The following HTR7 variants were observed in gnomAD, a reference collection of about 807,000 sequenced individuals.
The protein encoded by HTR7 is 5-HT-7.
Under a neutral mutation model 34.0 loss-of-function variants are expected in HTR7, and 16 were observed. That is an observed-to-expected ratio of 0.47 (90% CI 0.32 to 0.71). HTR7 has a LOEUF of 0.71. Ranked by LOEUF, HTR7 falls within the 30% of genes least tolerant of loss-of-function variation. HTR7 has a pLI of 0.04. For synonymous variants in HTR7, 265 were observed against 260.2 expected (o/e 1.02, Z -0.18); for missense variants, 504 against 625.5 (o/e 0.81, Z 2.07).
chr10:90,760,634 A>G (rs936968308), intron 1 of HTR7, among the ~76,000 whole-genome samples: 2 of 152,120 alleles, frequency 1.3e-5, no homozygotes, highest in African/African-American at 4.8e-5. Flanking sequence ...AATCCCCGCA[A>G]TTTGGGAGGC....
chr10:90,836,142 G>A lies in HTR7; in HGVS notation c.539+20991C>T, dbSNP rs528387762. Among the ~76,000 whole-genome samples the A allele has an allele frequency of 1.8e-3, 269 of 152,254 alleles. 1 individual carries two copies. Among genetic ancestry groups the A allele is most frequent in the Middle Eastern group, 0.01 (3 of 292 alleles). On this transcript the variant is annotated intron_variant, in intron 1 of 3. Transcript: ENST00000336152. ...CTTACCTTGAGCAGCATCTGAACTC[G>A]ATTATTGGATACACTTTGGCCCCCA...
chr10:90,808,842 C>T (rs940946635), intron 1 of HTR7, among the ~76,000 whole-genome samples: 8 of 152,214 alleles, frequency 5.3e-5, no homozygotes, highest in Non-Finnish European at 7.3e-5. Context: ...ACAAACTCAA[C>T]AGTGGTACCA....
chr10:90,776,649 ATATT>A (rs1373260729), intron 1 of HTR7, among the ~76,000 whole-genome samples: 3 of 152,232 alleles, frequency 2.0e-5, no homozygotes, highest in Non-Finnish European at 4.4e-5. Context: ...TTTAAAACCA[ATATT>A]TATGTGGAAA....
At chr10:90,743,931 C>A in intron 2 of HTR7, 1 of 658,860 alleles carries the variant, frequency 1.5e-6, no homozygotes, top group African/African-American at 1.8e-5. Flanking sequence ...CTGATGAACT[C>A]CTGAGGTTCT....
chr10:90,807,757 G>A (rs982503622), intron 1 of HTR7, among the ~76,000 whole-genome samples: 2 of 152,208 alleles, frequency 1.3e-5, no homozygotes, highest in Non-Finnish European at 2.9e-5. Flanking sequence ...CCGTGACTCA[G>A]ATCGGGGGAC....
intron 1 of HTR7, among the ~76,000 whole-genome samples, chr10:90,810,960 C>T (rs371875557): frequency 1.8e-4 from 27 of 152,264 alleles, no homozygotes; most frequent in Middle Eastern, 6.8e-3. Context: ...TAGATACTTT[C>T]GACTTTAGAT....
intron 1 of HTR7, among the ~76,000 whole-genome samples, chr10:90,758,445 A>G (rs1252120835): frequency 6.6e-6 from 1 of 152,070 alleles, no homozygotes; most frequent in East Asian, 1.9e-4. Context: ...ATCAATGCAT[A>G]TGGAAAAATT....
chr10:90,789,656 G>A (rs963819276), intron 1 of HTR7, among the ~76,000 whole-genome samples: 8 of 152,100 alleles, frequency 5.3e-5, no homozygotes, highest in East Asian at 1.9e-4. Context: ...TCAGCCTTTC[G>A]TGATTGCATA....
intron 2 of HTR7, among the ~76,000 whole-genome samples, chr10:90,745,979 T>C (rs1198573933): frequency 6.6e-6 from 1 of 152,188 alleles, no homozygotes; most frequent in Non-Finnish European, 1.5e-5. Flanking sequence ...AAGGCAAATA[T>C]CTTTAGACTT....
chr10:90,752,016 A>G (rs1844746864), intron 1 of HTR7, among the ~76,000 whole-genome samples: 1 of 152,234 alleles, frequency 6.6e-6, no homozygotes, highest in Non-Finnish European at 1.5e-5. Context: ...AATCATGATT[A>G]GTCCATATTC....
chr10:90,810,716 C>A (rs990875792), intron 1 of HTR7, among the ~76,000 whole-genome samples: 3 of 152,168 alleles, frequency 2.0e-5, no homozygotes, highest in Non-Finnish European at 2.9e-5. Context: ...TTCATCCCAG[C>A]CTCTCTTCGC....
At chr10:90,853,896 C>T (rs1024520753) in intron 1 of HTR7, among the ~76,000 whole-genome samples, 2 of 152,184 alleles carry the variant, frequency 1.3e-5, no homozygotes, top group Admixed American at 1.3e-4. Flanking sequence ...TGATGAGCAT[C>T]AAAGTCATCT....
chr10:90,788,192 T>C (rs1845410138), intron 1 of HTR7, among the ~76,000 whole-genome samples: 1 of 152,078 alleles, frequency 6.6e-6, no homozygotes, highest in Admixed American at 6.6e-5. Context: ...GGTAAACATC[T>C]TCATGTAGGT....
chr10:90,824,803 G>A (rs1385846356), intron 1 of HTR7, among the ~76,000 whole-genome samples: 1 of 152,260 alleles, frequency 6.6e-6, no homozygotes, highest in African/African-American at 2.4e-5. Context: ...AAGGGGGAGG[G>A]ACTATTGGGA....
At chr10:90,813,743 T>C (rs529479337) in intron 1 of HTR7, among the ~76,000 whole-genome samples, 11 of 152,308 alleles carry the variant, frequency 7.2e-5, no homozygotes, top group African/African-American at 2.4e-4. Flanking sequence ...AGGTTCAAAA[T>C]GGCATCTCCA....
At chr10:90,820,897 A>G (rs544160671) in intron 1 of HTR7, among the ~76,000 whole-genome samples, 13 of 152,312 alleles carry the variant, frequency 8.5e-5, no homozygotes, top group African/African-American at 2.9e-4. Flanking sequence ...TAGCATATAC[A>G]TTTTTAAAAA....
At chr10:90,808,274 T>C (rs59277098) in intron 1 of HTR7, among the ~76,000 whole-genome samples, 42,218 of 150,400 alleles carry the variant, frequency 0.28, 6,454 homozygotes, top group African/African-American at 0.41. Context: ...AAGAAACCCC[T>C]AACCCTTCTC....
intron 1 of HTR7, among the ~76,000 whole-genome samples, chr10:90,817,003 C>T (rs567369466): frequency 1.3e-5 from 2 of 152,312 alleles, no homozygotes; most frequent in South Asian, 4.1e-4. Flanking sequence ...TTTTTTGGCT[C>T]TATGTCTCTT....
chr10:90,816,009 A>C (rs1264296418), intron 1 of HTR7, among the ~76,000 whole-genome samples: 6 of 152,184 alleles, frequency 3.9e-5, no homozygotes, highest in Admixed American at 1.3e-4. Flanking sequence ...TGCCCCATTG[A>C]AGTGCCCAGG....
Sources: allele counts gnomAD v4.1 joint callset (sites outside exome capture counted in the v4.1 genomes callset), GRCh38; gene constraint gnomAD v4.1.1; transcripts MANE v1.5; gene names NCBI Gene and HGNC (gene_info 2026-07-23, HGNC 2026-07-21).